The following CPNE5 variants were observed in gnomAD, a reference collection of about 807,000 sequenced individuals.
CPNE5 encodes the protein copine-5.
A neutral mutation model predicts 81.1 loss-of-function variants in CPNE5; 42 were observed. The ratio of observed to expected loss-of-function variants is 0.52; its 90% CI spans 0.40 to 0.67. The LOEUF is 0.67. CPNE5 is among the 30% of genes least tolerant of loss of function. The pLI is 0.00. For synonymous variants in CPNE5, 313 were observed against 321.5 expected, an observed-to-expected ratio of 0.97 and a Z score of 0.28; for missense variants, 612 against 815.5, an observed-to-expected ratio of 0.75 and a Z score of 3.04.
chr6:36,775,452 A>G (rs1767419373), intron 9 of CPNE5, among the ~76,000 whole-genome samples: 1 of 152,220 alleles, frequency 6.6e-6, no homozygotes, highest in African/African-American at 2.4e-5. Flanking sequence ...TCCATCTGCA[A>G]TTCACAGAAG....
At chr6:36,834,693 G>A (rs1773313005) in intron 1 of CPNE5, among the ~76,000 whole-genome samples, 2 of 151,788 alleles carry the variant, frequency 1.3e-5, no homozygotes, top group Admixed American at 6.6e-5. Flanking sequence ...AATTGCATAC[G>A]GTTCAGCCTA....
chr6:36,837,520 A>T (rs1435076656), intron 1 of CPNE5, among the ~76,000 whole-genome samples: 1 of 152,072 alleles, frequency 6.6e-6, no homozygotes, highest in Non-Finnish European at 1.5e-5. Flanking sequence ...GAGGGGAGGG[A>T]TGACGTCTGC....
chr6:36,804,852 A>G (rs944489597), intron 3 of CPNE5, among the ~76,000 whole-genome samples: 1 of 152,216 alleles, frequency 6.6e-6, no homozygotes, highest in Admixed American at 6.5e-5. Context: ...AATAACTCCT[A>G]GAGCAGGAAA....
intron 10 of CPNE5, among the ~76,000 whole-genome samples, chr6:36,773,393 G>T (rs952237818): frequency 6.6e-6 from 1 of 152,174 alleles, no homozygotes; most frequent in African/African-American, 2.4e-5. Flanking sequence ...TCGCTCTCTC[G>T]GCGCTTGCTA....
At chr6:36,822,408 A>AG (rs1283613705) in intron 2 of CPNE5, among the ~76,000 whole-genome samples, 2 of 151,768 alleles carry the variant, frequency 1.3e-5, no homozygotes, top group African/African-American at 4.8e-5. Flanking sequence ...ACCGATTCGG[A>AG]GGGGTTGCGT....
chr6:36,742,521 C>G, intron 20 of CPNE5, 35 bp from the exon 21 acceptor site: 1 of 1,588,894 alleles, frequency 6.3e-7, no homozygotes, highest in Non-Finnish European at 8.6e-7. Flanking sequence ...GGCAGTGCCT[C>G]CTGTGGGACC....
rs773223437 is a variant in CPNE5, at chr6:36,778,951, C to T, written c.535G>A (p.Ala179Thr). The change falls in exon 9 of 21, where the codon GCC becomes ACC. Residue 179 changes from alanine (A) to threonine (T), a missense_variant. Coordinates refer to ENST00000244751, the MANE Select transcript of CPNE5 (RefSeq NM_020939.2). ...TTGTTGGCACAGAACTGCATGGTGG[C>T]GACATCCTGGTGGGAGGGAGGGAGA... The part of the protein sequence containing the change: ...AEELSNCRDV[A>T]TMQFCANKLD... 1.9e-5 allele frequency: 31 copies of T among 1,590,394 alleles called. No individual in the cohort carries two copies. Among genetic ancestry groups the T allele is most frequent in the Admixed American group, 3.4e-5 (2 of 59,676 alleles).
chr6:36,748,102 C>T (rs926087842), intron 15 of CPNE5, 119 bp downstream of exon 15: 27 of 919,630 alleles, frequency 2.9e-5, no homozygotes, highest in Non-Finnish European at 4.7e-5. Context: ...TAGGTACATC[C>T]TCTTTGGTGA....
At position 36,773,052 on chromosome 6, in the gene CPNE5, A is replaced by T. The variant is rs1049288440; in HGVS notation, c.737+1909T>A. Among the ~76,000 whole-genome samples, 99 of 152,104 alleles carry T rather than the reference A, an allele frequency of 6.5e-4. 1 individual carries two copies. Among genetic ancestry groups the T allele is most frequent in the African/African-American group, 2.2e-3 (93 of 41,476 alleles). ...TTTTTAAATTTAGTTTTAAATTTTT[A>T]AATTTTTTTTTGTAAAGATGGGGGT... is the stretch of plus-strand genomic sequence containing the variant. On this transcript the variant is annotated intron_variant, in intron 10 of 20. Coordinates refer to ENST00000244751, the MANE Select transcript of CPNE5 (RefSeq NM_020939.2).
rs189078330 is a variant in CPNE5, at chr6:36,798,620, A to G, written c.288-126T>C. The G allele has an allele frequency of 7.4e-4, 574 of 778,672 alleles. 3 individuals carry two copies. In the African/African-American group the frequency reaches 8.2e-3, roughly 11 times the overall value. 48.2% of individuals were successfully genotyped at this position (778,672 alleles called of 1,614,324 possible). ...AGGTCCCAACACAGTGAATATTTCT[A>G]GGAGTAATGGTTGGAAGACATGACA... On this transcript the variant is annotated intron_variant, in intron 4 of 20. Transcript: ENST00000244751.
At chr6:36,805,646 GGC>G in intron 3 of CPNE5, among the ~76,000 whole-genome samples, 1 of 152,182 alleles carries the variant, frequency 6.6e-6, no homozygotes, top group East Asian at 1.9e-4. Flanking sequence ...GACCTCCCTG[GGC>G]CCCAGGGCTG....
chr6:36,752,193 G>A (rs1764915073), intron 14 of CPNE5, among the ~76,000 whole-genome samples: 1 of 152,164 alleles, frequency 6.6e-6, no homozygotes, highest in Non-Finnish European at 1.5e-5. Flanking sequence ...TTTGGCAGTT[G>A]CTCCTGCCTG....
intron 1 of CPNE5, among the ~76,000 whole-genome samples, chr6:36,826,285 C>T (rs1772496438): frequency 1.3e-5 from 2 of 152,176 alleles, no homozygotes; most frequent in South Asian, 4.1e-4. Context: ...GAAACAGAAT[C>T]TAGCCACCTG....
At chr6:36,797,428 C>T (rs139189971) in intron 6 of CPNE5, among the ~76,000 whole-genome samples, 1 of 152,296 alleles carries the variant, frequency 6.6e-6, no homozygotes, top group African/African-American at 2.4e-5. Flanking sequence ...TGAGGGTGGC[C>T]GTCCAGAGAA....
At position 36,742,608 on chromosome 6, in the gene CPNE5, C is replaced by T. The variant is rs1763665734; in HGVS notation, c.1564-122G>A. ...CCTCTGCTCACTTGACTCAATCCCC[C>T]CACCTTTCTGAATTACCTGAGGGAC... On this transcript the variant is annotated intron_variant, in intron 20 of 20. Coordinates refer to ENST00000244751, the MANE Select transcript of CPNE5 (RefSeq NM_020939.2). 8 of 1,460,014 alleles carry T rather than the reference C, an allele frequency of 5.5e-6. No individual in the cohort carries two copies. The South Asian group carries it at 9.5e-5, about 17-fold the overall frequency. 90.4% of individuals were successfully genotyped at this position (1,460,014 alleles called of 1,614,324 possible).
Position 36,822,170 on chromosome 6 carries a change from G to T in CPNE5, c.137-10C>A, listed in dbSNP as rs993905566. On this transcript the variant is annotated splice_polypyrimidine_tract_variant and intron_variant, in intron 2 of 20. Coordinates refer to ENST00000244751, the MANE Select transcript of CPNE5 (RefSeq NM_020939.2). ...GTATACATGACGCACACTGCGGGGGGAGGAGAAACAGTGGATTAATACCTC... is the reference window on the plus strand; with the variant it reads ...GTATACATGACGCACACTGCGGGGGTAGGAGAAACAGTGGATTAATACCTC... The T allele has an allele frequency of 6.6e-7, 1 of 1,505,150 alleles. No homozygotes were observed. The highest frequency in any genetic ancestry group is 9.0e-7 in the Non-Finnish European group (1 of 1,115,740). The allele number at this position is 1,505,150 out of a possible 1,614,324, so 93.2% of individuals were successfully genotyped here.
chr6:36,777,103 C>T (rs931150101), intron 9 of CPNE5, among the ~76,000 whole-genome samples: 6 of 152,220 alleles, frequency 3.9e-5, no homozygotes, highest in African/African-American at 9.6e-5. Context: ...CATGACCTCC[C>T]GGGTCTGATC....
intron 14 of CPNE5, among the ~76,000 whole-genome samples, chr6:36,752,256 G>A (rs939395337): frequency 2.0e-5 from 3 of 152,090 alleles, no homozygotes; most frequent in Non-Finnish European, 2.9e-5. Flanking sequence ...GGCTGCCCAC[G>A]CCCTGACCTG....
chr6:36,786,430 T>G (rs1345842137), intron 8 of CPNE5, among the ~76,000 whole-genome samples: 1 of 152,238 alleles, frequency 6.6e-6, no homozygotes, highest in Non-Finnish European at 1.5e-5. Context: ...TTTGTTGTCT[T>G]AATGACTGAC....
Sources: gnomAD v4.1 joint callset for allele counts (sites outside exome capture counted in the v4.1 genomes callset) on GRCh38, gnomAD v4.1.1 for gene constraint, MANE v1.5 for transcripts, NCBI Gene and HGNC (gene_info 2026-07-23, HGNC 2026-07-21) for gene names.